The following SLC35E2B variants were observed in gnomAD, a reference collection of about 807,000 sequenced individuals.
SLC35E2B encodes the protein solute carrier family 35, member E2B.
A neutral mutation model predicts 32.4 loss-of-function variants in SLC35E2B; 18 were observed. The observed-to-expected ratio is 0.56, with a 90% CI of 0.38 to 0.82. The LOEUF (loss-of-function observed/expected upper bound fraction) is 0.82. Among genes scored for constraint, SLC35E2B ranks in the 40% least tolerant of loss-of-function variants. The pLI is 0.00. For synonymous variants in SLC35E2B, 132 were observed against 209.1 expected, an observed-to-expected ratio of 0.63 and a Z score of 3.18; for missense variants, 263 against 469.5, an observed-to-expected ratio of 0.56 and a Z score of 4.06.
Position 1,662,769 on chromosome 1 carries a change from C to A in SLC35E2B, c.*3013G>T, listed in dbSNP as rs774014051. 6.6e-6 allele frequency: 5 copies of A among 751,914 alleles called. 1 individual carries two copies. The highest frequency in any genetic ancestry group is 2.4e-4 in the East Asian group (2 of 8,368). The allele number at this position is 751,914 out of a possible 1,614,324, so 46.6% of individuals were successfully genotyped here. On this transcript the variant is annotated 3_prime_UTR_variant, in exon 10 of 10. Coordinates refer to ENST00000617444, the MANE Select transcript of SLC35E2B (RefSeq NM_001290264.2). ...TATCAACGTAAAGAAGCCGATGACC[C>A]AATTCGGGAGGTGGTTCAAGTGTTC...
chr1:1,678,946 G>A (rs1369024576), intron 2 of SLC35E2B, among the ~76,000 whole-genome samples: 3 of 152,154 alleles, frequency 2.0e-5, no homozygotes, highest in Non-Finnish European at 4.4e-5. Flanking sequence ...GGGTGCGGCA[G>A]AGCAAAAGGA....
At chr1:1,674,963 A>G (rs1288912151) in intron 5 of SLC35E2B, among the ~76,000 whole-genome samples, 1 of 152,020 alleles carries the variant, frequency 6.6e-6, no homozygotes, top group East Asian at 1.9e-4. Flanking sequence ...CCTGTGAGTC[A>G]TTAAGAGGTG....
intron 2 of SLC35E2B, among the ~76,000 whole-genome samples, chr1:1,677,738 G>A (rs979709287): frequency 6.6e-5 from 10 of 151,414 alleles, no homozygotes; most frequent in African/African-American, 1.9e-4. Context: ...CGCCCACCTC[G>A]GCCTCCTAAA....
At chr1:1,677,281 T>A (rs1436175187) in intron 2 of SLC35E2B, among the ~76,000 whole-genome samples, 1 of 142,742 alleles carries the variant, frequency 7.0e-6, no homozygotes. Flanking sequence ...TTTTTAGCAA[T>A]TGAATCCCGT....
intron 5 of SLC35E2B, chr1:1,672,359 G>A (rs974004376): frequency 2.6e-5 from 4 of 152,236 alleles, no homozygotes; most frequent in Non-Finnish European, 5.9e-5. Context: ...AAAGAAGAAA[G>A]AGAAACCTGA....
chr1:1,669,593 C>T (rs1456944214), intron 8 of SLC35E2B, 71 bp downstream of exon 8: 2 of 1,425,186 alleles, frequency 1.4e-6, no homozygotes, highest in African/African-American at 1.4e-5. Flanking sequence ...AAACGGAAGT[C>T]ATTCTGCTCC....
intron 2 of SLC35E2B, among the ~76,000 whole-genome samples, chr1:1,683,616 C>T (rs1468371767): frequency 6.6e-6 from 1 of 152,040 alleles, no homozygotes; most frequent in Non-Finnish European, 1.5e-5. Flanking sequence ...TCTCCACCTT[C>T]GCTCGCTGCG....
At chr1:1,674,841 A>AC (rs879384116) in intron 5 of SLC35E2B, among the ~76,000 whole-genome samples, 23 of 151,234 alleles carry the variant, frequency 1.5e-4, no homozygotes, top group Admixed American at 7.2e-4. Flanking sequence ...ACACGTGTGC[A>AC]CCCCCCGACT....
chr1:1,671,491 A>G lies in SLC35E2B; in HGVS notation c.707+18T>C. ...ACCGGGTCTCGTCCCCCTCACGCCCACCTTCTCTGTGACTCACCAGTCCAT... is the reference window on the plus strand; with the variant it reads ...ACCGGGTCTCGTCCCCCTCACGCCCGCCTTCTCTGTGACTCACCAGTCCAT... On this transcript the variant is annotated intron_variant, in intron 6 of 9. Coordinates refer to ENST00000617444, the MANE Select transcript of SLC35E2B (RefSeq NM_001290264.2). The G allele has an allele frequency of 6.8e-7, 1 of 1,480,224 alleles. No individual in the cohort carries two copies. The highest frequency in any genetic ancestry group is 9.0e-7 in the Non-Finnish European group (1 of 1,106,890). 91.7% of individuals were successfully genotyped at this position (1,480,224 alleles called of 1,614,324 possible).
rs756535355 is a variant in SLC35E2B, at chr1:1,669,758, G to A, written c.762-22C>T. 1.7e-4 allele frequency: 260 copies of A among 1,548,266 alleles called. 1 individual carries two copies. Among genetic ancestry groups the A allele is most frequent in the Non-Finnish European group, 2.1e-4 (235 of 1,146,036 alleles). On this transcript the variant is annotated intron_variant, in intron 7 of 9. Coordinates refer to ENST00000617444, the MANE Select transcript of SLC35E2B (RefSeq NM_001290264.2). ...GGCCCTGTGGGTGACAGAACACGCT[G>A]GGCCCCCCGTGTCGGGACAGGCCGA...
intron 2 of SLC35E2B, among the ~76,000 whole-genome samples, chr1:1,681,831 A>G (rs1414739683): frequency 6.7e-6 from 1 of 150,276 alleles, no homozygotes; most frequent in Admixed American, 6.6e-5. Context: ...TAAAAATACA[A>G]AAAATTAGCC....
chr1:1,668,229 A>G, intron 9 of SLC35E2B, 98 bp downstream of exon 9: 1 of 1,474,350 alleles, frequency 6.8e-7, no homozygotes, highest in Non-Finnish European at 9.1e-7. Flanking sequence ...TCCCCGTGGA[A>G]GAGAATCACA....
chr1:1,677,723 T>A (rs1394100792), intron 2 of SLC35E2B, among the ~76,000 whole-genome samples: 2 of 151,720 alleles, frequency 1.3e-5, no homozygotes, highest in East Asian at 1.9e-4. Context: ...CCTGACCTCG[T>A]GAACCGCCCA....
In SLC35E2B at chr1:1,668,360, G is replaced by C. The variant is rs538722664; in HGVS notation, c.947C>G (p.Ala316Gly). The change falls in exon 9 of 10, where the codon GCC becomes GGC. Residue 316 changes from alanine (A) to glycine (G), a missense_variant. Around this residue, in one of 7 missense-constraint regions of SLC35E2B, gnomAD observed 38 missense variants for 56.9 expected, o/e 0.67. Transcript: ENST00000617444. ...CACCGGGGAGATTTTCCCCATGAGG[G>C]CGTACGCCGTGACGCTCTGAAGGTG... ...LFHLQSVTAY[A>G]LMGKISPVTF... 16 of 1,611,052 alleles carry C rather than the reference G, an allele frequency of 9.9e-6. 1 individual carries two copies. The African/African-American group carries it at 1.7e-4, about 18-fold the overall frequency.
At chr1:1,672,316 C>G (rs1438594911) in intron 5 of SLC35E2B, 5 of 152,190 alleles carry the variant, frequency 3.3e-5, no homozygotes, top group Admixed American at 6.5e-5. Flanking sequence ...CCACTGCGCT[C>G]CAGCCTGGAC....
At chr1:1,675,203 C>G (rs1388872204) in intron 5 of SLC35E2B, among the ~76,000 whole-genome samples, 1 of 110,820 alleles carries the variant, frequency 9.0e-6, no homozygotes, top group Non-Finnish European at 2.5e-5. Flanking sequence ...CAGCCCCCAC[C>G]TGTCTCCCCA....
At chr1:1,687,734 CA>C (rs74867904) in intron 2 of SLC35E2B, among the ~76,000 whole-genome samples, 18,953 of 126,538 alleles carry the variant, frequency 0.15, 1,498 homozygotes, top group East Asian at 0.33. Flanking sequence ...GACTCCATCT[CA>C]AAAAAAAAAA....
chr1:1,663,214 T>C lies in SLC35E2B; in HGVS notation c.*2568A>G, dbSNP rs368634364. The C allele has an allele frequency of 1.0e-3, 947 of 946,486 alleles. 12 individuals carry two copies. In the African/African-American group the frequency reaches 0.016, roughly 16 times the overall value. The allele number at this position is 946,486 out of a possible 1,614,324, so 58.6% of individuals were successfully genotyped here. A position where few individuals can be genotyped will look rare whatever the true frequency, so the allele number is the denominator to read the frequency against. Reference sequence around the variant, plus strand: ...TGCTAATCCTTTGGAAAAACGTTTGTTTCTGGTCCACAAACAGAAAATCCA... The same window carrying C: ...TGCTAATCCTTTGGAAAAACGTTTGCTTCTGGTCCACAAACAGAAAATCCA... On this transcript the variant is annotated 3_prime_UTR_variant, in exon 10 of 10. Transcript: ENST00000617444.
chr1:1,688,469 G>A (rs867029691), intron 2 of SLC35E2B, among the ~76,000 whole-genome samples: 8 of 151,810 alleles, frequency 5.3e-5, no homozygotes, highest in Admixed American at 1.3e-4. Context: ...GCATGATGGC[G>A]CGTGCCTGTA....
Sources: gnomAD v4.1 joint callset for allele counts (sites outside exome capture counted in the v4.1 genomes callset) on GRCh38, gnomAD v4.1.1 for gene constraint, gnomAD v4.1.1 regional missense constraint, MANE v1.5 for transcripts, NCBI Gene and HGNC (gene_info 2026-07-23, HGNC 2026-07-21) for gene names.